The following TMEM266 variants were observed in gnomAD, a reference collection of about 807,000 sequenced individuals.
The protein encoded by TMEM266 is transmembrane protein 266, also known as Hv1 related protein 1.
TMEM266 carries 33 observed loss-of-function variants against 50.5 expected under a neutral mutation model. That is an observed-to-expected ratio of 0.65 (90% CI 0.50 to 0.87). TMEM266 has a LOEUF of 0.87. TMEM266 is among the 40% of genes least tolerant of loss of function. The pLI is 0.00. For missense variants in TMEM266, 655 were observed against 695.1 expected (o/e 0.94, Z 0.65); for synonymous variants, 310 against 292.3 (o/e 1.06, Z -0.62).
At chr15:76,149,461 G>A (rs1001784076) in intron 3 of TMEM266, among the ~76,000 whole-genome samples, 2 of 152,210 alleles carry the variant, frequency 1.3e-5, no homozygotes, top group African/African-American at 4.8e-5. Flanking sequence ...TGGAATGAAT[G>A]TTGAAACTGT....
Position 76,102,993 on chromosome 15 carries a change from G to A in TMEM266, c.-96-31175G>A, listed in dbSNP as rs148608175. On this transcript the variant is annotated intron_variant, in intron 1 of 10. Transcript: ENST00000388942. ...CTGGCCAGGATAGGAAGCCATGGGA[G>A]GTGGTAAACGGGGAGCAAGTCATCT... Among the ~76,000 whole-genome samples, 642 of 152,186 alleles carry A rather than the reference G, an allele frequency of 4.2e-3. 3 individuals carry two copies. Among genetic ancestry groups the A allele is most frequent in the South Asian group, 0.017 (83 of 4,816 alleles).
chr15:76,119,102 C>T (rs1233770025), intron 1 of TMEM266, among the ~76,000 whole-genome samples: 2 of 152,272 alleles, frequency 1.3e-5, no homozygotes, highest in East Asian at 3.9e-4. Flanking sequence ...TCCAGGAAAT[C>T]CTGGTGCCAT....
chr15:76,118,755 A>C (rs984306332), intron 1 of TMEM266, among the ~76,000 whole-genome samples: 10 of 152,184 alleles, frequency 6.6e-5, no homozygotes, highest in African/African-American at 2.4e-4. Flanking sequence ...TTTGGAAGAA[A>C]TGATGTTGGT....
intron 1 of TMEM266, among the ~76,000 whole-genome samples, chr15:76,077,529 A>G (rs59555004): frequency 0.07 from 10,636 of 152,116 alleles, 445 homozygotes; most frequent in African/African-American, 0.087. Flanking sequence ...TTTGCAGATG[A>G]GATTAAATTA....
At chr15:76,176,035 T>C (rs2038271526) in intron 8 of TMEM266, 1 of 202,798 alleles carries the variant, frequency 4.9e-6, no homozygotes, top group South Asian at 8.7e-5. Flanking sequence ...TGCTGAGGGT[T>C]GCTGGGCACC....
At chr15:76,194,482 G>A (rs960880326) in intron 9 of TMEM266, among the ~76,000 whole-genome samples, 1 of 152,046 alleles carries the variant, frequency 6.6e-6, no homozygotes, top group Non-Finnish European at 1.5e-5. Flanking sequence ...GAAAGCCCAC[G>A]CCCCTTAGGC....
intron 9 of TMEM266, among the ~76,000 whole-genome samples, chr15:76,196,383 C>G: frequency 6.6e-6 from 1 of 152,204 alleles, no homozygotes; most frequent in Non-Finnish European, 1.5e-5. Flanking sequence ...GGGCAGAACA[C>G]AGGGCTGGCG....
At chr15:76,063,282 A>G (rs1003740912) in intron 1 of TMEM266, among the ~76,000 whole-genome samples, 8 of 152,186 alleles carry the variant, frequency 5.3e-5, no homozygotes, top group African/African-American at 2.4e-5. Context: ...AGCCCAAGGT[A>G]TATGACCTAA....
At chr15:76,140,959 C>A (rs995748767) in intron 3 of TMEM266, among the ~76,000 whole-genome samples, 1 of 152,000 alleles carries the variant, frequency 6.6e-6, no homozygotes, top group Admixed American at 6.6e-5. Context: ...ATCACTTGAG[C>A]CCAGGAGGTC....
At chr15:76,203,265 T>C (rs1223302444) in intron 10 of TMEM266, among the ~76,000 whole-genome samples, 1 of 151,954 alleles carries the variant, frequency 6.6e-6, no homozygotes, top group African/African-American at 2.4e-5. Flanking sequence ...TGAGTTAGGA[T>C]GGGCTAGGTT....
intron 1 of TMEM266, among the ~76,000 whole-genome samples, chr15:76,089,285 C>T (rs1362198821): frequency 3.3e-5 from 5 of 151,800 alleles, no homozygotes; most frequent in East Asian, 3.9e-4. Flanking sequence ...ACTGCCGCTC[C>T]GGGTTCATGC....
intron 1 of TMEM266, among the ~76,000 whole-genome samples, chr15:76,105,360 A>C (rs1458010221): frequency 1.3e-5 from 2 of 152,194 alleles, no homozygotes; most frequent in Non-Finnish European, 2.9e-5. Context: ...GCTTCCCTGG[A>C]ACCTCTTCCC....
At chr15:76,078,334 A>T (rs746034869) in intron 1 of TMEM266, among the ~76,000 whole-genome samples, 1 of 152,002 alleles carries the variant, frequency 6.6e-6, no homozygotes, top group Non-Finnish European at 1.5e-5. Flanking sequence ...GAGCATTTTC[A>T]ATACTGGAAT....
At position 76,175,684 on chromosome 15, in the gene TMEM266, T is replaced by C. The variant is rs181008068; in HGVS notation, c.768+10T>C. 4 of 1,609,252 alleles carry C rather than the reference T, an allele frequency of 2.5e-6. No homozygotes were observed. Among genetic ancestry groups the C allele is most frequent in the Non-Finnish European group, 2.6e-6 (3 of 1,175,764 alleles). ...CTGTCAGGAGCAAGGGGTAATGCAC[T>C]GCCACTTTCGGCTCTGTCCGTGGTC... On this transcript the variant is annotated intron_variant, in intron 8 of 10. Transcript: ENST00000388942.
chr15:76,134,313 T>C lies in TMEM266; in HGVS notation c.38+12T>C, dbSNP rs1332716223. On this transcript the variant is annotated intron_variant, in intron 2 of 10. Coordinates refer to ENST00000388942, the MANE Select transcript of TMEM266 (RefSeq NM_152335.3). ...ATGACCAATCCACAGTAAGTAATGC[T>C]GGGATCTGCTCTCTGGATCCAGAAC... 2 of 1,612,144 alleles carry C rather than the reference T, an allele frequency of 1.2e-6. No homozygotes were observed. The highest frequency in any genetic ancestry group is 2.7e-5 in the African/African-American group (2 of 74,864).
At chr15:76,072,593 T>C (rs2036553642) in intron 1 of TMEM266, among the ~76,000 whole-genome samples, 1 of 152,116 alleles carries the variant, frequency 6.6e-6, no homozygotes, top group South Asian at 2.1e-4. Context: ...AATGATGGGA[T>C]TGGGCTCTGT....
chr15:76,125,517 A>G (rs1187668275), intron 1 of TMEM266, among the ~76,000 whole-genome samples: 1 of 151,886 alleles, frequency 6.6e-6, no homozygotes, highest in Non-Finnish European at 1.5e-5. Flanking sequence ...CTCAATATAT[A>G]ATATATAAGG....
At chr15:76,192,323 T>C (rs1210260261) in intron 9 of TMEM266, among the ~76,000 whole-genome samples, 166 bp downstream of exon 9, 1 of 152,070 alleles carries the variant, frequency 6.6e-6, no homozygotes, top group East Asian at 1.9e-4. Context: ...GCCTCGGTAC[T>C]GCCTGTCAGA....
intron 5 of TMEM266, among the ~76,000 whole-genome samples, 170 bp from the exon 6 acceptor site, chr15:76,169,646 C>T (rs1252392158): frequency 2.0e-5 from 3 of 152,160 alleles, no homozygotes; most frequent in Non-Finnish European, 4.4e-5. Flanking sequence ...GGAGCTGGGG[C>T]ACTGGCAGTG....
Sources: allele counts gnomAD v4.1 joint callset (sites outside exome capture counted in the v4.1 genomes callset), GRCh38; gene constraint gnomAD v4.1.1; transcripts MANE v1.5; gene names NCBI Gene and HGNC (gene_info 2026-07-23, HGNC 2026-07-21).